Variants in CFAP61 observed in about 807,000 individuals in gnomAD.
CFAP61 encodes the protein cilia and flagella associated protein 61.
Under a neutral mutation model 135.6 loss-of-function variants are expected in CFAP61, and 107 were observed. The ratio of observed to expected loss-of-function variants is 0.79; its 90% CI spans 0.67 to 0.93. CFAP61 has a LOEUF of 0.93. CFAP61 is among the 40% of genes least tolerant of loss of function. The pLI is 0.00. For missense variants in CFAP61, 1,507 were observed against 1,556.2 expected (o/e 0.97, Z 0.53); for synonymous variants, 575 against 578.5 (o/e 0.99, Z 0.09).
At chr20:20,317,860 G>A (rs563651487) in intron 25 of CFAP61, among the ~76,000 whole-genome samples, 21 of 152,338 alleles carry the variant, frequency 1.4e-4, no homozygotes, top group Admixed American at 7.2e-4. Flanking sequence ...GCTGGAGGCC[G>A]TGAGGCTGCT....
At chr20:20,109,245 TA>T (rs2048626232) in intron 8 of CFAP61, among the ~76,000 whole-genome samples, 1 of 152,172 alleles carries the variant, frequency 6.6e-6, no homozygotes, top group African/African-American at 2.4e-5. Context: ...AGGTAAAAAT[TA>T]AAATTATTTT....
chr20:20,256,810 A>G (rs1412188474), intron 20 of CFAP61, among the ~76,000 whole-genome samples: 1 of 152,252 alleles, frequency 6.6e-6, no homozygotes, highest in Non-Finnish European at 1.5e-5. Flanking sequence ...CATATTGTCC[A>G]GCTGACCACA....
chr20:20,188,235 G>T (rs1257272030), intron 14 of CFAP61, among the ~76,000 whole-genome samples, 179 bp downstream of exon 14: 1 of 152,218 alleles, frequency 6.6e-6, no homozygotes, highest in African/African-American at 2.4e-5. Context: ...TTGAGGAAGT[G>T]AGACCATTCT....
chr20:20,086,804 G>C (rs1401813599), intron 6 of CFAP61, among the ~76,000 whole-genome samples: 1 of 152,146 alleles, frequency 6.6e-6, no homozygotes, highest in East Asian at 1.9e-4. Flanking sequence ...CACCTTGGCC[G>C]TAAGAATTAG....
intron 6 of CFAP61, chr20:20,085,416 G>A: frequency 7.3e-7 from 1 of 1,362,724 alleles, no homozygotes; most frequent in Non-Finnish European, 9.8e-7. Context: ...TTACCCCAAG[G>A]AATGCATTTA....
At chr20:20,245,980 T>C in intron 18 of CFAP61, 137 bp from the exon 19 acceptor site, 2 of 619,840 alleles carry the variant, frequency 3.2e-6, no homozygotes, top group East Asian at 5.6e-5. Context: ...TATCTGAAGG[T>C]TCGTGCAAAG....
chr20:20,266,295 T>C (rs895232467), intron 21 of CFAP61, among the ~76,000 whole-genome samples: 1 of 152,224 alleles, frequency 6.6e-6, no homozygotes, highest in East Asian at 1.9e-4. Flanking sequence ...GCAGAAAGCC[T>C]AGTGATCTTT....
intron 13 of CFAP61, 148 bp from the exon 14 acceptor site, chr20:20,187,782 T>G: frequency 3.4e-6 from 2 of 591,840 alleles, no homozygotes; most frequent in Non-Finnish European, 5.7e-6. Flanking sequence ...ATGAGTTACT[T>G]TTATAATTAC....
chr20:20,118,940 C>G (rs1292331561), intron 8 of CFAP61, among the ~76,000 whole-genome samples: 1 of 151,920 alleles, frequency 6.6e-6, no homozygotes, highest in Admixed American at 6.5e-5. Flanking sequence ...GGCTCAGTCT[C>G]CCAGTAGCTG....
In CFAP61 at chr20:20,171,947, A is replaced by G. The variant is rs971513714; in HGVS notation, c.1385+2487A>G. On this transcript the variant is annotated intron_variant, in intron 13 of 26. Coordinates refer to ENST00000245957, the MANE Select transcript of CFAP61 (RefSeq NM_015585.4). ...AGCCCACAGGGAAGGGTGGAATGAG[A>G]AATGGAAGAGGGGAAGCACTTTCCT... 19 of 487,660 alleles carry G rather than the reference A, an allele frequency of 3.9e-5. 1 individual carries two copies. The highest frequency in any genetic ancestry group is 4.8e-5 in the Non-Finnish European group (13 of 269,992). 30.2% of individuals were successfully genotyped at this position (487,660 alleles called of 1,614,324 possible).
intron 18 of CFAP61, among the ~76,000 whole-genome samples, chr20:20,239,796 G>T (rs749598875): frequency 3.9e-5 from 6 of 152,186 alleles, no homozygotes; most frequent in Non-Finnish European, 8.8e-5. Flanking sequence ...AAACCGTTGA[G>T]ATTTTATTTA....
At chr20:20,311,303 G>A (rs1161677467) in intron 25 of CFAP61, among the ~76,000 whole-genome samples, 4 of 152,228 alleles carry the variant, frequency 2.6e-5, no homozygotes, top group Non-Finnish European at 4.4e-5. Flanking sequence ...AGGAGCAGAT[G>A]TTGTGGAATT....
intron 26 of CFAP61, among the ~76,000 whole-genome samples, chr20:20,358,021 G>GAGGTGGTCACACTGAGGGA (rs1405496062): frequency 2.7e-5 from 4 of 146,152 alleles, no homozygotes; most frequent in Non-Finnish European, 6.0e-5. Context: ...AGTGTGAGGG[G>GAGGTGGTCACACTGAGGGA]AGGTGGTCAC....
rs764539153 is a variant in CFAP61 at position 20,360,298 on chromosome 20, A to G, written c.3602A>G (p.Lys1201Arg). 2 of 1,613,938 alleles carry G rather than the reference A, an allele frequency of 1.2e-6. No individual in the cohort carries two copies. The highest frequency in any genetic ancestry group is 1.7e-6 in the Non-Finnish European group (2 of 1,179,998). Residue 1201 changes from lysine (K) to arginine (R), a missense_variant, in exon 27 of 27, where the codon AAA becomes AGA. Physicochemically the swap from Lys to Arg is conservative, Grantham distance 26. Coordinates refer to ENST00000245957, the MANE Select transcript of CFAP61 (RefSeq NM_015585.4). ...ACTGAGAAGCCCAGGCAATACCTCA[A>G]AAGAGTTTTTGAGGAATCCATCTAC... ...NPTEKPRQYL[K>R]RVFEESIYKT...
rs2052399488 is a variant in CFAP61 at position 20,263,079 on chromosome 20, G to A, written c.2452G>A (p.Asp818Asn). The stretch of plus-strand genomic sequence containing the variant: ...CCATTTCACTCTCAACGAGGAAGAG[G>A]ATTGCTTTAAGGCACTGATTTGGAT... The part of the protein sequence containing the change: ...CNHFTLNEEE[D>N]CFKALIWIRN... The change falls in exon 21 of 27, where the codon GAT becomes AAT. Residue 818 changes from aspartate to asparagine, a missense_variant. Transcript: ENST00000245957. 2 of 1,613,934 alleles carry A rather than the reference G, an allele frequency of 1.2e-6. No homozygotes were observed. The highest frequency in any genetic ancestry group is 1.7e-5 in the Admixed American group (1 of 60,004).
intron 25 of CFAP61, among the ~76,000 whole-genome samples, chr20:20,325,108 T>A (rs2057693781): frequency 6.6e-6 from 1 of 152,096 alleles, no homozygotes; most frequent in Admixed American, 6.6e-5. Context: ...CTCCTCTCTG[T>A]AAGAAGAAAG....
At chr20:20,215,431 T>C (rs2047982979) in intron 17 of CFAP61, among the ~76,000 whole-genome samples, 1 of 152,236 alleles carries the variant, frequency 6.6e-6, no homozygotes, top group Non-Finnish European at 1.5e-5. Context: ...AGGATTTTGT[T>C]CTTAAAACAA....
chr20:20,255,677 C>A (rs565005618), intron 20 of CFAP61, among the ~76,000 whole-genome samples: 80 of 152,248 alleles, frequency 5.3e-4, no homozygotes, highest in African/African-American at 1.9e-3. Context: ...GACACTCCCC[C>A]GTGTCATTTG....
chr20:20,188,408 A>G (rs2055667834), intron 14 of CFAP61, among the ~76,000 whole-genome samples: 3 of 152,204 alleles, frequency 2.0e-5, no homozygotes, highest in South Asian at 4.1e-4. Flanking sequence ...TTAGGAATCC[A>G]TGGGTATCTG....
Sources: gnomAD v4.1 joint callset for allele counts (sites outside exome capture counted in the v4.1 genomes callset) on GRCh38, gnomAD v4.1.1 for gene constraint, MANE v1.5 for transcripts, NCBI Gene and HGNC (gene_info 2026-07-23, HGNC 2026-07-21) for gene names.